UBE3A: variants seen among roughly 807,000 people sequenced by gnomAD.
The protein encoded by UBE3A is ubiquitin-protein ligase E3A.
In UBE3A, 6 loss-of-function variants were observed where a neutral mutation model predicts 83.4. The ratio of observed to expected loss-of-function variants is 0.07; its 90% CI spans 0.04 to 0.14. UBE3A has a LOEUF of 0.14. Ranked by LOEUF, UBE3A falls within the 10% of genes least tolerant of loss-of-function variation. UBE3A has a pLI of 1.00. For synonymous variants in UBE3A, 337 were observed against 355.4 expected, an observed-to-expected ratio of 0.95 and a Z score of 0.58; for missense variants, 456 against 1,036.1, an observed-to-expected ratio of 0.44 and a Z score of 7.69.
At chr15:25,361,706 A>C (rs1161974342) in intron 6 of UBE3A, among the ~76,000 whole-genome samples, 1 of 152,148 alleles carries the variant, frequency 6.6e-6, no homozygotes, top group Non-Finnish European at 1.5e-5. Flanking sequence ...TATCCATCAT[A>C]TCTCCTAACT....
chr15:25,357,936 G>A (rs1332856026), intron 7 of UBE3A, among the ~76,000 whole-genome samples: 6 of 119,692 alleles, frequency 5.0e-5, no homozygotes, highest in African/African-American at 2.0e-4. Flanking sequence ...AGACGGTCTC[G>A]CTCTGTCGCC....
chr15:25,376,025 AG>A (rs1241976961), intron 4 of UBE3A, among the ~76,000 whole-genome samples: 1 of 151,648 alleles, frequency 6.6e-6, no homozygotes, highest in Non-Finnish European at 1.5e-5. Context: ...TTGGTTTAAA[AG>A]GGGGGAGGGG....
intron 11 of UBE3A, chr15:25,353,922 G>T: frequency 4.2e-6 from 1 of 236,026 alleles, no homozygotes; most frequent in Non-Finnish European, 8.4e-6. Context: ...TATGTATCTG[G>T]ACATATTATC....
chr15:25,372,593 C>T (rs977358488), intron 5 of UBE3A, among the ~76,000 whole-genome samples: 1 of 152,194 alleles, frequency 6.6e-6, no homozygotes, highest in Non-Finnish European at 1.5e-5. Flanking sequence ...GACCACATTT[C>T]CCAACTTTTT....
chr15:25,418,590 C>T (rs1888126728), intron 1 of UBE3A: 2 of 151,624 alleles, frequency 1.3e-5, no homozygotes, highest in African/African-American at 2.4e-5. Context: ...ATGTTAGGTT[C>T]TAGGGGTGGT....
At chr15:25,406,716 G>A (rs8030729) in intron 3 of UBE3A, among the ~76,000 whole-genome samples, 181 of 124,784 alleles carry the variant, frequency 1.5e-3, no homozygotes, top group African/African-American at 5.6e-3. Flanking sequence ...ACACACACAC[G>A]CACACACACA....
At chr15:25,360,558 A>G in intron 6 of UBE3A, 31 bp from the exon 7 acceptor site, 13 of 1,609,884 alleles carry the variant, frequency 8.1e-6, no homozygotes, top group Non-Finnish European at 1.1e-5. Context: ...CATGAAAAGA[A>G]GATGATTGCT....
chr15:25,422,115 A>G (rs1299768599), intron 1 of UBE3A, among the ~76,000 whole-genome samples: 2 of 152,250 alleles, frequency 1.3e-5, no homozygotes, highest in East Asian at 3.8e-4. Context: ...CGAAACAAAC[A>G]AAAATCTGTG....
chr15:25,333,757 C>T lies in UBE3A; in HGVS notation c.*5380G>A, dbSNP rs1322242729. On this transcript the variant is annotated 3_prime_UTR_variant, in exon 13 of 13. Coordinates refer to ENST00000648336, the MANE Select transcript of UBE3A (RefSeq NM_130839.5). ...GCAGCATAGAACAAGGTTTATGTAG[C>T]ATGGACAACTGAGATTATCCCAGGA... is the stretch of plus-strand genomic sequence containing the variant. 1.3e-5 allele frequency: 2 copies of T among 152,120 alleles called. No individual in the cohort carries two copies. Among genetic ancestry groups the T allele is most frequent in the African/African-American group, 2.4e-5 (1 of 41,418 alleles). 9.4% of individuals were successfully genotyped at this position (152,120 alleles called of 1,614,324 possible).
chr15:25,407,528 C>A (rs1178150458), intron 3 of UBE3A: 1 of 153,230 alleles, frequency 6.5e-6, no homozygotes, highest in East Asian at 1.9e-4. Context: ...TTCCCAATTT[C>A]TGTTCCCTAA....
intron 1 of UBE3A, among the ~76,000 whole-genome samples, chr15:25,422,402 C>T (rs7173786): frequency 0.12 from 18,088 of 152,036 alleles, 1,149 homozygotes; most frequent in Middle Eastern, 0.23. Flanking sequence ...GGGTGCATTT[C>T]ATTGTGTATC....
In UBE3A at chr15:25,438,844, G is replaced by A. The variant is rs1895967504; in HGVS notation, c.-520C>T. 1 of 152,872 alleles carries A rather than the reference G, an allele frequency of 6.5e-6. No individual in the cohort carries two copies. Among genetic ancestry groups the A allele is most frequent in the Non-Finnish European group, 1.5e-5 (1 of 68,634 alleles). The allele number at this position is 152,872 out of a possible 1,614,324, so 9.5% of individuals were successfully genotyped here. A position where few individuals can be genotyped will look rare whatever the true frequency, so the allele number is the denominator to read the frequency against. ...GGTGAAGCGTAAGTAGGCGGCGGAT[G>A]GCGGGCGCCCGCGCTGGCGGATGGC... On this transcript the variant is annotated 5_prime_UTR_variant, in exon 1 of 13. Coordinates refer to ENST00000648336, the MANE Select transcript of UBE3A (RefSeq NM_130839.5).
At chr15:25,364,632 GTTT>G (rs80152524) in intron 6 of UBE3A, among the ~76,000 whole-genome samples, 1 of 121,176 alleles carries the variant, frequency 8.3e-6, no homozygotes, top group Admixed American at 7.7e-5. Context: ...GATTTTTAGG[GTTT>G]TTTTTGTTTG....
intron 6 of UBE3A, among the ~76,000 whole-genome samples, chr15:25,363,965 G>A (rs2078571958): frequency 6.6e-6 from 1 of 151,698 alleles, no homozygotes; most frequent in African/African-American, 2.4e-5. Flanking sequence ...GCCAATGCAG[G>A]CAGATTGCCT....
At chr15:25,367,164 TATATTTAC>T (rs1304879316) in intron 6 of UBE3A, among the ~76,000 whole-genome samples, 1 of 112,000 alleles carries the variant, frequency 8.9e-6, no homozygotes, top group Non-Finnish European at 2.0e-5. Flanking sequence ...CACAAATGGG[TATATTTAC>T]ATATTTGTAA....
intron 1 of UBE3A, among the ~76,000 whole-genome samples, chr15:25,424,036 A>G (rs1057393473): frequency 6.6e-6 from 1 of 152,190 alleles, no homozygotes; most frequent in African/African-American, 2.4e-5. Context: ...TCTATGATTA[A>G]CACAGCAACC....
chr15:25,398,942 A>C (rs1007773421), intron 4 of UBE3A, among the ~76,000 whole-genome samples: 4 of 151,026 alleles, frequency 2.6e-5, no homozygotes, highest in Non-Finnish European at 5.9e-5. Flanking sequence ...TGCGCAATAT[A>C]TCTCTTGTCT....
At chr15:25,398,771 T>TATATATA (rs2086218460) in intron 4 of UBE3A, among the ~76,000 whole-genome samples, 5 of 68,958 alleles carry the variant, frequency 7.3e-5, no homozygotes, top group Non-Finnish European at 9.6e-5. Context: ...ATTCTTTTAT[T>TATATATA]TATATATATA....
intron 7 of UBE3A, among the ~76,000 whole-genome samples, chr15:25,358,316 T>A (rs886157941): frequency 6.6e-6 from 1 of 151,500 alleles, no homozygotes; most frequent in Non-Finnish European, 1.5e-5. Flanking sequence ...GAGGTGGAGG[T>A]TGCAGTGAGC....
Sources: gnomAD v4.1 joint callset for allele counts (sites outside exome capture counted in the v4.1 genomes callset) on GRCh38, gnomAD v4.1.1 for gene constraint, MANE v1.5 for transcripts, NCBI Gene and HGNC (gene_info 2026-07-23, HGNC 2026-07-21) for gene names.